The following ZDHHC14 variants were observed in gnomAD, a reference collection of about 807,000 sequenced individuals.
ZDHHC14 encodes zDHHC palmitoyltransferase 14, also known as palmitoyltransferase ZDHHC14.
Under a neutral mutation model 47.7 loss-of-function variants are expected in ZDHHC14, and 16 were observed. That is an observed-to-expected ratio of 0.34 (90% CI 0.23 to 0.51). ZDHHC14 has a LOEUF of 0.51. ZDHHC14 is among the 20% of genes least tolerant of loss of function. The pLI is 0.97. For synonymous variants in ZDHHC14, 293 were observed against 278.9 expected (o/e 1.05, Z -0.50); for missense variants, 515 against 662.5 (o/e 0.78, Z 2.44).
intron 2 of ZDHHC14, among the ~76,000 whole-genome samples, chr6:157,550,829 G>A (rs1391484563): frequency 1.3e-5 from 2 of 152,234 alleles, no homozygotes; most frequent in Admixed American, 6.5e-5. Context: ...ACTTTCTTTA[G>A]AGTTTGTGTT....
rs376797747 is a variant in ZDHHC14 at position 157,673,529 on chromosome 6, TAA to T, written c.*420_*421del. 58 of 153,958 alleles carry T rather than the reference TAA, an allele frequency of 3.8e-4. No individual in the cohort carries two copies. The highest frequency in any genetic ancestry group is 5.7e-4 in the East Asian group (3 of 5,252). 9.5% of individuals were successfully genotyped at this position (153,958 alleles called of 1,614,324 possible). A position where few individuals can be genotyped will look rare whatever the true frequency, so the allele number is the denominator to read the frequency against. ...CAGACCTGCCATTCCATTTGTTAATTAAAAAAAAAAAAAATCCTAAAGGGAAA... is the reference window on the plus strand; with the variant it reads ...CAGACCTGCCATTCCATTTGTTAATTAAAAAAAAAAAATCCTAAAGGGAAA... On this transcript the variant is annotated 3_prime_UTR_variant, in exon 9 of 9. Transcript: ENST00000359775. This position sits in a 1 kb window ranked among gnomAD's most constrained non-coding sequence, Gnocchi z 5.4.
intron 1 of ZDHHC14, among the ~76,000 whole-genome samples, chr6:157,423,213 T>A (rs989073421): frequency 6.6e-6 from 1 of 152,170 alleles, no homozygotes; most frequent in Non-Finnish European, 1.5e-5. Flanking sequence ...GCCTTAATTT[T>A]CCCACCTCAA....
intron 3 of ZDHHC14, among the ~76,000 whole-genome samples, chr6:157,604,466 C>T (rs771528407): frequency 9.9e-5 from 15 of 152,082 alleles, no homozygotes; most frequent in Non-Finnish European, 1.5e-4. Context: ...ACTGTGTTTA[C>T]TAGAACAATA....
At chr6:157,524,793 C>T (rs1781099257) in intron 1 of ZDHHC14, among the ~76,000 whole-genome samples, 1 of 152,214 alleles carries the variant, frequency 6.6e-6, no homozygotes, top group South Asian at 2.1e-4. Flanking sequence ...ATTCCCTTCC[C>T]TGTGATTCTG....
rs1486008613 is a variant in ZDHHC14, at chr6:157,674,886, A to T, written c.*1764A>T. On this transcript the variant is annotated 3_prime_UTR_variant, in exon 9 of 9. Coordinates refer to ENST00000359775, the MANE Select transcript of ZDHHC14 (RefSeq NM_024630.3). ...ATAGAAAATGGAATAGGTCCATTCT[A>T]TGTAGCCATTTTTGATTTTCTGAAC... The T allele has an allele frequency of 1.3e-5, 2 of 152,168 alleles. No homozygotes were observed. The highest frequency in any genetic ancestry group is 2.9e-5 in the Non-Finnish European group (2 of 68,030). 9.4% of individuals were successfully genotyped at this position (152,168 alleles called of 1,614,324 possible).
intron 1 of ZDHHC14, among the ~76,000 whole-genome samples, chr6:157,411,960 A>G (rs1443251495): frequency 6.6e-6 from 1 of 151,138 alleles, no homozygotes; most frequent in Non-Finnish European, 1.5e-5. Context: ...TTTTTTTGAG[A>G]TGGAGTCTCG....
chr6:157,628,673 CCT>C, intron 4 of ZDHHC14, 187 bp downstream of exon 4: 6 of 690,892 alleles, frequency 8.7e-6, no homozygotes, highest in South Asian at 1.9e-5. Flanking sequence ...TCCTCCGTCC[CCT>C]GTCATCCCCC....
At chr6:157,519,805 C>T (rs937850374) in intron 1 of ZDHHC14, among the ~76,000 whole-genome samples, 8 of 152,178 alleles carry the variant, frequency 5.3e-5, no homozygotes, top group Admixed American at 5.2e-4. Context: ...GACAGGAGCC[C>T]GTGGCTTTGC....
intron 1 of ZDHHC14, among the ~76,000 whole-genome samples, chr6:157,436,884 T>A (rs1379808876): frequency 5.9e-5 from 9 of 151,842 alleles, no homozygotes; most frequent in Admixed American, 5.9e-4. Flanking sequence ...ATCAGGGAGA[T>A]CATCTACGCA....
At chr6:157,659,426 T>A (rs1304976414) in intron 8 of ZDHHC14, among the ~76,000 whole-genome samples, 1 of 152,244 alleles carries the variant, frequency 6.6e-6, no homozygotes, top group East Asian at 1.9e-4. Flanking sequence ...GAAATACGCG[T>A]ACCAATTAAT....
intron 2 of ZDHHC14, among the ~76,000 whole-genome samples, chr6:157,568,870 A>G (rs1223299857): frequency 1.3e-5 from 2 of 152,150 alleles, no homozygotes; most frequent in Non-Finnish European, 1.5e-5. Flanking sequence ...TTTAAAAAAT[A>G]TATTTACTGA....
chr6:157,437,607 TTC>T (rs1465782579), intron 1 of ZDHHC14, among the ~76,000 whole-genome samples: 1 of 152,230 alleles, frequency 6.6e-6, no homozygotes, highest in Admixed American at 6.5e-5. Context: ...TAAAGAATCC[TTC>T]TCTCACAGGC....
In ZDHHC14 at chr6:157,542,760, CTG is replaced by C. The variant is rs754774036; in HGVS notation, c.406+16_406+17del. The C allele has an allele frequency of 6.8e-6, 11 of 1,612,534 alleles. No individual in the cohort carries two copies. The highest frequency in any genetic ancestry group is 5.3e-5 in the African/African-American group (4 of 74,906). ...AAGGCAAATAGGTAACACTGAAAGT[CTG>C]CCCATGGCCTCTGGTCACTTCCCGC... On this transcript the variant is annotated intron_variant, in intron 2 of 8. Transcript: ENST00000359775.
At chr6:157,459,515 C>T (rs1043930782) in intron 1 of ZDHHC14, among the ~76,000 whole-genome samples, 4 of 152,108 alleles carry the variant, frequency 2.6e-5, no homozygotes, top group Admixed American at 6.5e-5. Flanking sequence ...GCTTTGCACA[C>T]GTGTGGGCGG....
intron 1 of ZDHHC14, among the ~76,000 whole-genome samples, chr6:157,494,620 T>C (rs1780010851): frequency 6.6e-6 from 1 of 152,242 alleles, no homozygotes; most frequent in Non-Finnish European, 1.5e-5. Context: ...TTACTTTCCT[T>C]GTAGATCATG....
chr6:157,566,069 T>C (rs1229261567), intron 2 of ZDHHC14, among the ~76,000 whole-genome samples: 2 of 152,194 alleles, frequency 1.3e-5, no homozygotes, highest in African/African-American at 4.8e-5. Flanking sequence ...TCCAGTAGCA[T>C]AAAAGGCACT....
chr6:157,666,826 T>A (rs887598939), intron 8 of ZDHHC14, among the ~76,000 whole-genome samples: 4 of 152,232 alleles, frequency 2.6e-5, no homozygotes, highest in African/African-American at 9.6e-5. Flanking sequence ...ATGGCATTTT[T>A]AAATTGTAAC....
intron 3 of ZDHHC14, among the ~76,000 whole-genome samples, chr6:157,597,030 CTCTT>C (rs1784161121): frequency 1.3e-5 from 2 of 152,228 alleles, no homozygotes; most frequent in South Asian, 2.1e-4. Context: ...TTCCGTCTGT[CTCTT>C]TCTCTGAATC....
At chr6:157,454,692 T>C (rs936908291) in intron 1 of ZDHHC14, among the ~76,000 whole-genome samples, 2 of 152,102 alleles carry the variant, frequency 1.3e-5, no homozygotes, top group Non-Finnish European at 2.9e-5. Flanking sequence ...AAACATGAAC[T>C]GACACAATTT....
Sources: gnomAD v4.1 joint callset for allele counts (sites outside exome capture counted in the v4.1 genomes callset) on GRCh38, gnomAD v4.1.1 for gene constraint, Gnocchi (gnomAD v3.1) non-coding constraint, MANE v1.5 for transcripts, NCBI Gene and HGNC (gene_info 2026-07-23, HGNC 2026-07-21) for gene names.